THRA: variants seen among roughly 807,000 people sequenced by gnomAD.
THRA encodes the protein EAR-7.
In THRA, 13 loss-of-function variants were observed where a neutral mutation model predicts 45.0. The ratio of observed to expected loss-of-function variants is 0.29; its 90% confidence interval spans 0.19 to 0.46. The LOEUF (loss-of-function observed/expected upper bound fraction) is 0.46, where lower values mean the gene tolerates loss of function less well. Among genes scored for constraint, THRA ranks in the 20% least tolerant of loss-of-function variants. The pLI is 1.00. For missense variants in THRA, 278 were observed against 556.1 expected (o/e 0.50, Z 5.03); for synonymous variants, 195 against 214.0 (o/e 0.91, Z 0.78).
At chr17:40,088,190 A>G (rs542845295) in intron 7 of THRA, 52 bp from the exon 8 acceptor site, 3 of 1,541,840 alleles carry the variant, frequency 1.9e-6, no homozygotes, top group African/African-American at 1.4e-5. Context: ...GGGAGACTCA[A>G]GGACGCGGGG....
At chr17:40,063,346 G>T (rs1463332841) in intron 1 of THRA, among the ~76,000 whole-genome samples, 1 of 152,118 alleles carries the variant, frequency 6.6e-6, no homozygotes, top group Non-Finnish European at 1.5e-5. Context: ...TGGCGTCCGA[G>T]CCTCCCCCTG....
At position 40,077,571 on chromosome 17, in the gene THRA, G is replaced by T; in HGVS notation, c.185G>T (p.Gly62Val). ...QCVVCGDKAT[G>V]YHYRCITCEG... ...GTCGTGTGTGGGGACAAGGCAACTG[G>T]TTATCACTACCGCTGTATCACTTGT... Residue 62 changes from glycine to valine, a missense_variant, in exon 4 of 9, where the codon GGT (glycine) becomes GTT (valine). Physicochemically the swap from Gly to Val is moderately radical, Grantham distance 109. Around this residue, in one of 6 missense-constraint regions of THRA, gnomAD observed 20 missense variants for 65.2 expected, o/e 0.31. Coordinates refer to ENST00000450525, the MANE Select transcript of THRA (RefSeq NM_199334.5). The T allele has an allele frequency of 1.2e-6, 2 of 1,614,076 alleles. No individual in the cohort carries two copies. Among genetic ancestry groups the T allele is most frequent in the Non-Finnish European group, 1.7e-6 (2 of 1,179,990 alleles).
downstream of THRA, chr17:40,093,447 A>C: frequency 6.5e-7 from 1 of 1,528,974 alleles, no homozygotes; most frequent in Non-Finnish European, 8.8e-7. The surrounding 1 kb of genome is among the most constrained non-coding windows in gnomAD (Gnocchi z 5.9). Flanking sequence ...CCTCTGCCCC[A>C]AGAGCAGGAG....
intron 1 of THRA, among the ~76,000 whole-genome samples, chr17:40,064,230 C>T (rs1729818718): frequency 6.6e-6 from 1 of 152,112 alleles, no homozygotes; most frequent in Non-Finnish European, 1.5e-5. Flanking sequence ...GGGGACCGAT[C>T]CATGCACATA....
At chr17:40,073,465 GA>G (rs1264911430) in intron 1 of THRA, among the ~76,000 whole-genome samples, 2 of 152,194 alleles carry the variant, frequency 1.3e-5, no homozygotes, top group Non-Finnish European at 2.9e-5. Context: ...GCCCTCTTTG[GA>G]GGGTACAGAT....
Position 40,071,636 on chromosome 17 carries a change from G to A in THRA, c.-297-2556G>A, listed in dbSNP as rs569058411. ...GCCTCCTTGGGGCAGGGCCTCCCTC[G>A]CCTCTGCAGAGGAGGTACCAGGAAG... On this transcript the variant is annotated intron_variant, in intron 1 of 8. Transcript: ENST00000450525. Among the ~76,000 whole-genome samples the A allele has an allele frequency of 4.1e-4, 63 of 152,300 alleles. No homozygotes were observed. In the South Asian group the frequency reaches 5.0e-3, roughly 12 times the overall value.
chr17:40,075,108 T>C (rs1339479385), intron 2 of THRA, among the ~76,000 whole-genome samples: 2 of 152,268 alleles, frequency 1.3e-5, no homozygotes, highest in African/African-American at 4.8e-5. Context: ...CCAACCATGA[T>C]GGTTTTGCTT....
chr17:40,075,478 C>T (rs1986919566), intron 2 of THRA, among the ~76,000 whole-genome samples: 1 of 152,242 alleles, frequency 6.6e-6, no homozygotes, highest in Non-Finnish European at 1.5e-5. Context: ...GGTAGCTCCC[C>T]TCCCCCAAAG....
At chr17:40,079,375 G>A (rs918552118) in intron 4 of THRA, among the ~76,000 whole-genome samples, 4 of 152,094 alleles carry the variant, frequency 2.6e-5, no homozygotes, top group African/African-American at 9.7e-5. Flanking sequence ...AGCATTGGTA[G>A]CTGGGATTAC....
intron 1 of THRA, among the ~76,000 whole-genome samples, chr17:40,072,573 G>A (rs550600413): frequency 3.9e-5 from 6 of 152,222 alleles, no homozygotes; most frequent in African/African-American, 9.6e-5. Context: ...ACCCAGACCC[G>A]GAGAGAGAGA....
chr17:40,063,133 C>A (rs1567645626), intron 1 of THRA, 41 bp downstream of exon 1: 1 of 152,302 alleles, frequency 6.6e-6, no homozygotes, highest in East Asian at 1.9e-4. Flanking sequence ...ATGCAAATGC[C>A]TTGCGATTGA....
rs112166119 is a variant in THRA at position 40,080,421 on chromosome 17, CA to C, written c.222+2825del. Among the ~76,000 whole-genome samples, 323 of 140,054 alleles carry C rather than the reference CA, an allele frequency of 2.3e-3. 4 individuals are homozygous for C. The highest frequency in any genetic ancestry group is 7.3e-3 in the African/African-American group (278 of 38,116). The allele number at this position is 140,054 out of a possible 152,430, so 91.9% of individuals were successfully genotyped here. ...CCCTGTCTTAAAAACAAAAAACAAA[CA>C]AAAAAAAAAAACGGAAAAAAAGTTT... On this transcript the variant is annotated intron_variant, in intron 4 of 8. Transcript: ENST00000450525.
chr17:40,065,730 C>T (rs746707045), intron 1 of THRA, among the ~76,000 whole-genome samples: 12 of 148,032 alleles, frequency 8.1e-5, no homozygotes, highest in Non-Finnish European at 1.3e-4. Flanking sequence ...TCCTTAGTGC[C>T]GCAGCTGTGG....
rs189302358 is a variant in THRA at position 40,082,676 on chromosome 17, G to C, written c.223-1159G>C. 5.0e-3 allele frequency among the ~76,000 whole-genome samples: 744 copies of C among 149,970 alleles called. 7 individuals are homozygous for C. Among genetic ancestry groups the C allele is most frequent in the African/African-American group, 0.017 (709 of 40,782 alleles). On this transcript the variant is annotated intron_variant, in intron 4 of 8. Transcript: ENST00000450525. ...CGCGCCCGGCCAAGGGGTGGACCCCGCCGTGGTTCCACCGCGGCTCAAACC... is the reference window on the plus strand; with the variant it reads ...CGCGCCCGGCCAAGGGGTGGACCCCCCCGTGGTTCCACCGCGGCTCAAACC...
chr17:40,089,558 C>T lies in THRA; in HGVS notation c.*102C>T, dbSNP rs958902521. On this transcript the variant is annotated 3_prime_UTR_variant, in exon 9 of 9. Transcript: ENST00000450525. This position sits in a 1 kb window ranked among gnomAD's most constrained non-coding sequence, Gnocchi z 6.1. ...GAGACCCCCCCACACCCCTTCTCTC[C>T]TTCCTCTCGTCCTTGGATAGATTCA... 5 of 1,491,418 alleles carry T rather than the reference C, an allele frequency of 3.4e-6. No homozygotes were observed. The highest frequency in any genetic ancestry group is 4.4e-6 in the Non-Finnish European group (5 of 1,124,156). 92.4% of individuals were successfully genotyped at this position (1,491,418 alleles called of 1,614,324 possible).
intron 7 of THRA, chr17:40,087,112 A>G (rs1987347201): frequency 2.1e-6 from 1 of 478,054 alleles, no homozygotes; most frequent in Admixed American, 3.7e-5. Flanking sequence ...ATACACACAC[A>G]CATACACCCA....
At chr17:40,063,715 GT>G (rs1209306005) in intron 1 of THRA, among the ~76,000 whole-genome samples, 27 of 152,156 alleles carry the variant, frequency 1.8e-4, no homozygotes, top group African/African-American at 4.8e-5. Context: ...GGTGTACTTG[GT>G]GGTGCCTAGA....
chr17:40,087,819 C>T (rs993151975), intron 7 of THRA, among the ~76,000 whole-genome samples: 11 of 152,136 alleles, frequency 7.2e-5, no homozygotes, highest in African/African-American at 2.2e-4. Context: ...AGTGCAGTGA[C>T]GCGATCTGGG....
chr17:40,089,885 C>T lies in THRA; in HGVS notation c.*429C>T, dbSNP rs1297822927. 1 of 1,007,860 alleles carries T rather than the reference C, an allele frequency of 9.9e-7. No individual in the cohort carries two copies. The highest frequency in any genetic ancestry group is 1.2e-6 in the Non-Finnish European group (1 of 843,616). The allele number at this position is 1,007,860 out of a possible 1,614,324, so 62.4% of individuals were successfully genotyped here. On this transcript the variant is annotated 3_prime_UTR_variant, in exon 9 of 9. Transcript: ENST00000450525. The surrounding 1 kb of genome is among the most constrained non-coding windows in gnomAD (Gnocchi z 6.1). ...AGTTCCTTGGCCTAGGTCTCCCCTC[C>T]AGGCTGAGGGCCTCTCTACTTCCCC...
Sources: gnomAD v4.1 joint callset for allele counts (sites outside exome capture counted in the v4.1 genomes callset) on GRCh38, gnomAD v4.1.1 for gene constraint, gnomAD v4.1.1 regional missense constraint, Gnocchi (gnomAD v3.1) non-coding constraint, MANE v1.5 for transcripts, NCBI Gene and HGNC (gene_info 2026-07-23, HGNC 2026-07-21) for gene names.